SHPRH: variants seen among roughly 807,000 people sequenced by gnomAD.
SHPRH encodes the protein E3 ubiquitin-protein ligase SHPRH.
Under a neutral mutation model 202.5 loss-of-function variants are expected in SHPRH, and 106 were observed. That is an observed-to-expected ratio of 0.52 (90% CI 0.45 to 0.62). The LOEUF is 0.62. SHPRH is among the 20% of genes least tolerant of loss of function. The pLI is 0.00. For missense variants in SHPRH, 1,710 were observed against 2,020.0 expected, an observed-to-expected ratio of 0.85 and a Z score of 2.94; for synonymous variants, 729 against 686.0, an observed-to-expected ratio of 1.06 and a Z score of -0.98.
At chr6:145,941,491 T>C in intron 10 of SHPRH, 132 bp downstream of exon 10, 1 of 1,380,550 alleles carries the variant, frequency 7.2e-7, no homozygotes, top group Non-Finnish European at 9.8e-7. Flanking sequence ...ACAAGTAGTG[T>C]TTAATAACAA....
intron 2 of SHPRH, among the ~76,000 whole-genome samples, chr6:145,953,445 T>C (rs1788188083): frequency 6.6e-6 from 1 of 152,088 alleles, no homozygotes; most frequent in African/African-American, 2.4e-5. Flanking sequence ...AATTGTTACA[T>C]ACTTGTTATC....
At chr6:145,947,154 A>C (rs1787473973) in intron 6 of SHPRH, among the ~76,000 whole-genome samples, 1 of 152,054 alleles carries the variant, frequency 6.6e-6, no homozygotes, top group Non-Finnish European at 1.5e-5. Context: ...AATAGCTCTT[A>C]AAAATATTTA....
rs1780859873 is a variant in SHPRH, at chr6:145,884,865, GTTTT to G, written c.*1822_*1825del. The G allele has an allele frequency of 1.3e-5, 2 of 151,928 alleles. No homozygotes were observed. 9.4% of individuals were successfully genotyped at this position (151,928 alleles called of 1,614,324 possible). On this transcript the variant is annotated 3_prime_UTR_variant, in exon 30 of 30. Coordinates refer to ENST00000275233, the MANE Select transcript of SHPRH (RefSeq NM_001042683.3). ...TATCTTACAGAAATAAATAAAAACA[GTTTT>G]TGTCTAATACAGATAGGTTTTTTTA... is the stretch of plus-strand genomic sequence containing the variant.
chr6:145,926,719 CTA>C (rs1247184213), intron 15 of SHPRH, among the ~76,000 whole-genome samples: 1 of 151,808 alleles, frequency 6.6e-6, no homozygotes, highest in Non-Finnish European at 1.5e-5. Context: ...AGAGCCTTGT[CTA>C]TATGAGTCAA....
chr6:145,888,563 G>A (rs1453950564), intron 28 of SHPRH, among the ~76,000 whole-genome samples: 1 of 152,184 alleles, frequency 6.6e-6, no homozygotes, highest in Non-Finnish European at 1.5e-5. Flanking sequence ...TAAGGGTGGA[G>A]AGATGTGCAG....
intron 9 of SHPRH, among the ~76,000 whole-genome samples, 184 bp from the exon 10 acceptor site, chr6:145,942,058 T>C (rs562832771): frequency 6.6e-6 from 1 of 152,316 alleles, no homozygotes; most frequent in Non-Finnish European, 1.5e-5. Flanking sequence ...ACATAACTGA[T>C]GTGCAACAAA....
In SHPRH at chr6:145,948,295, G is replaced by A. The variant is rs767334743; in HGVS notation, c.1038C>T (p.Leu346=). The A allele has an allele frequency of 3.1e-6, 5 of 1,601,796 alleles. No individual in the cohort carries two copies. The highest frequency in any genetic ancestry group is 1.7e-6 in the Non-Finnish European group (2 of 1,173,652). The change falls in exon 5 of 30, where the codon CTC becomes CTT. Residue 346 remains leucine, a synonymous_variant. Coordinates refer to ENST00000275233, the MANE Select transcript of SHPRH (RefSeq NM_001042683.3). ...REIVTSEGLK[L]YYNPYTGCII... The stretch of plus-strand genomic sequence containing the variant: ...ACCAGCCTGTATATGGATTATAGTA[G>A]AGTTTCAGACCCTCAGATGTAACAA...
chr6:145,921,060 T>A, intron 21 of SHPRH, 107 bp downstream of exon 21: 2 of 940,116 alleles, frequency 2.1e-6, no homozygotes, highest in Non-Finnish European at 3.1e-6. Flanking sequence ...GCCACCTCAA[T>A]CTCAAAAGAA....
At chr6:145,945,772 T>C (rs771516460) in intron 7 of SHPRH, 135 bp from the exon 8 acceptor site, 168 of 887,092 alleles carry the variant, frequency 1.9e-4, no homozygotes, top group Non-Finnish European at 2.4e-4. Flanking sequence ...CAGAGTGCCA[T>C]TTTGAAAAAA....
In SHPRH at chr6:145,950,443, G is replaced by A. The variant is rs1172004880; in HGVS notation, c.803C>T (p.Pro268Leu). The change falls in exon 4 of 30, where the codon CCA becomes CTA. Residue 268 changes from proline (P) to leucine (L), a missense_variant. Coordinates refer to ENST00000275233, the MANE Select transcript of SHPRH (RefSeq NM_001042683.3). The stretch of plus-strand genomic sequence containing the variant: ...CAGCTCGTCAATGTCTTGTCCCTCT[G>A]GCTCACTCTCCGGATCATCTTCATC... ...EEDEDDPESE[P>L]EGQDIDELYH... 6.2e-7 allele frequency: 1 copy of A among 1,612,942 alleles called. No homozygotes were observed. Among genetic ancestry groups the A allele is most frequent in the Non-Finnish European group, 8.5e-7 (1 of 1,179,324 alleles).
rs1234247097 is a variant in SHPRH, at chr6:145,948,134, AT to A, written c.1061+137del. 5.5e-6 allele frequency: 3 copies of A among 547,100 alleles called. No individual in the cohort carries two copies. The African/African-American group carries it at 5.9e-5, about 11-fold the overall frequency. 33.9% of individuals were successfully genotyped at this position (547,100 alleles called of 1,614,324 possible). ...TATTAATTCTAAATCTATCCTATCCATAGATATGTCTAATCAAGACTTCACC... is the reference window on the plus strand; with the variant it reads ...TATTAATTCTAAATCTATCCTATCCAAGATATGTCTAATCAAGACTTCACC... On this transcript the variant is annotated intron_variant, in intron 5 of 29. Transcript: ENST00000275233.
chr6:145,943,694 A>G lies in SHPRH; in HGVS notation c.1687T>C (p.Tyr563His), dbSNP rs1279548354. The change falls in exon 9 of 30, where the codon TAC becomes CAC. Residue 563 changes from tyrosine (Y) to histidine (H), a missense_variant. Transcript: ENST00000275233. Reference protein sequence around the residue: ...SDTSDDDDDPYYYYYKSRRNR... With the variant: ...SDTSDDDDDPHYYYYKSRRNR... Reference sequence around the variant, plus strand: ...CTCCTGGACTTATAATAATAATAGTAAGGATCATCATCATCATCAGAGGTG... The same window carrying G: ...CTCCTGGACTTATAATAATAATAGTGAGGATCATCATCATCATCAGAGGTG... 6.2e-7 allele frequency: 1 copy of G among 1,613,754 alleles called. No individual in the cohort carries two copies. Among genetic ancestry groups the G allele is most frequent in the African/African-American group, 1.3e-5 (1 of 74,886 alleles).
intron 23 of SHPRH, among the ~76,000 whole-genome samples, chr6:145,914,436 T>C (rs576243651): frequency 6.6e-6 from 1 of 152,206 alleles, no homozygotes; most frequent in Admixed American, 6.5e-5. Context: ...GGTGAGATTA[T>C]AAATATTTTA....
intron 15 of SHPRH, among the ~76,000 whole-genome samples, chr6:145,926,897 T>A (rs2128754791): frequency 6.6e-6 from 1 of 152,120 alleles, no homozygotes; most frequent in East Asian, 1.9e-4. Context: ...GTCAAAGTGA[T>A]AAAACTGACC....
At chr6:145,904,613 G>C (rs1195946945) in intron 25 of SHPRH, 1 of 152,274 alleles carries the variant, frequency 6.6e-6, no homozygotes, top group African/African-American at 2.4e-5. Context: ...GGAAGCACAA[G>C]GCAAATGTGG....
Position 145,943,759 on chromosome 6 carries a change from G to A in SHPRH, c.1622C>T (p.Ser541Leu). 1.9e-6 allele frequency: 3 copies of A among 1,593,516 alleles called. No homozygotes were observed. Among genetic ancestry groups the A allele is most frequent in the Non-Finnish European group, 2.6e-6 (3 of 1,174,478 alleles). Residue 541 changes from serine (S) to leucine (L), a missense_variant, in exon 9 of 30, where the codon TCA becomes TTA. Physicochemically the swap from Ser to Leu is moderately radical, Grantham distance 145. This residue lies in a region of SHPRH where 348 missense variants were observed against 356.9 expected (regional missense o/e 0.97). Transcript: ENST00000275233. ...TTCAGAATCTGTGTCCTTGTTCCCT[G>A]ATTTTCTAGTTTCTTTCTGAATTTT... Reference protein sequence around the residue: ...PRKIQKETRKSGNKDTDSEYL... With the variant: ...PRKIQKETRKLGNKDTDSEYL...
At chr6:145,898,048 C>G (rs1782169022) in intron 25 of SHPRH, among the ~76,000 whole-genome samples, 2 of 152,036 alleles carry the variant, frequency 1.3e-5, no homozygotes, top group Admixed American at 1.3e-4. Context: ...AAAAGGCATT[C>G]AAATTGCAAA....
chr6:145,922,709 A>T lies in SHPRH; in HGVS notation c.3673T>A (p.Ser1225Thr). The T allele has an allele frequency of 6.2e-7, 1 of 1,611,614 alleles. No homozygotes were observed. Among genetic ancestry groups the T allele is most frequent in the Non-Finnish European group, 8.5e-7 (1 of 1,178,604 alleles). ...EGPPSRNVIESATVCHLRPAR... is the reference protein window; with the variant it reads ...EGPPSRNVIETATVCHLRPAR... ...GGTCGGAGGTGACAGACTGTTGCAG[A>T]CTCAATAACATTACGAGATGGAGGT... is the stretch of plus-strand genomic sequence containing the variant. The change falls in exon 19 of 30, where the codon TCT becomes ACT. Residue 1225 changes from serine to threonine, a missense_variant. By Grantham distance (58) the Ser-to-Thr change is moderately conservative. Coordinates refer to ENST00000275233, the MANE Select transcript of SHPRH (RefSeq NM_001042683.3).
At chr6:145,928,029 TTAAA>T (rs1370218267) in intron 14 of SHPRH, among the ~76,000 whole-genome samples, 6 of 152,128 alleles carry the variant, frequency 3.9e-5, no homozygotes, top group Admixed American at 6.6e-5. Flanking sequence ...TTTTACATTC[TTAAA>T]TAGTTGAAAA....
Sources: allele counts gnomAD v4.1 joint callset (sites outside exome capture counted in the v4.1 genomes callset), GRCh38; gene constraint gnomAD v4.1.1; regional missense constraint gnomAD v4.1.1; transcripts MANE v1.5; gene names NCBI Gene and HGNC (gene_info 2026-07-23, HGNC 2026-07-21).